The following PDE4B variants were observed in gnomAD, a reference collection of about 807,000 sequenced individuals.
PDE4B encodes phosphodiesterase 4B.
In PDE4B, 20 loss-of-function variants were observed where a neutral mutation model predicts 82.2. The ratio of observed to expected loss-of-function variants is 0.24; its 90% CI spans 0.17 to 0.35. The LOEUF (loss-of-function observed/expected upper bound fraction) is 0.35, where lower values mean the gene tolerates loss of function less well. Among genes scored for constraint, PDE4B ranks in the 10% least tolerant of loss-of-function variants. The pLI, the probability that PDE4B is intolerant of heterozygous loss-of-function variation, is 1.00. For synonymous variants in PDE4B, 320 were observed against 318.9 expected, an observed-to-expected ratio of 1.00 and a Z score of -0.04; for missense variants, 655 against 907.2, an observed-to-expected ratio of 0.72 and a Z score of 3.57.
intron 4 of PDE4B, among the ~76,000 whole-genome samples, chr1:66,254,424 A>G (rs998815161): frequency 6.6e-6 from 1 of 152,110 alleles, no homozygotes; most frequent in Non-Finnish European, 1.5e-5. Context: ...GTATCTCTCC[A>G]AGAACCCTGA....
At chr1:66,041,799 T>TACACACACACACAC (rs376075112) in intron 3 of PDE4B, among the ~76,000 whole-genome samples, 2 of 139,032 alleles carry the variant, frequency 1.4e-5, no homozygotes, top group African/African-American at 5.2e-5. Context: ...TGCTTTGAAA[T>TACACACACACACAC]ACACACACAC....
chr1:66,277,087 C>T (rs1394891534), intron 7 of PDE4B, among the ~76,000 whole-genome samples: 1 of 152,116 alleles, frequency 6.6e-6, no homozygotes, highest in East Asian at 1.9e-4. Flanking sequence ...GGAAAGAACT[C>T]TATAAATAAA....
intron 3 of PDE4B, among the ~76,000 whole-genome samples, chr1:66,099,011 T>A (rs1269884607): frequency 1.3e-5 from 2 of 152,070 alleles, no homozygotes; most frequent in Non-Finnish European, 2.9e-5. Flanking sequence ...ATCTTGAAAA[T>A]TTTTTTAAAC....
intron 1 of PDE4B, among the ~76,000 whole-genome samples, chr1:65,799,140 T>C (rs181139336): frequency 2.0e-5 from 3 of 152,320 alleles, no homozygotes; most frequent in East Asian, 1.9e-4. Context: ...CATAGAATTA[T>C]GGCATTTTCA....
chr1:66,266,165 A>G (rs2101730947), intron 7 of PDE4B, 78 bp downstream of exon 7: 2 of 1,133,730 alleles, frequency 1.8e-6, no homozygotes, highest in East Asian at 2.4e-5. Flanking sequence ...ACTGTTTTTT[A>G]GAACAATAGT....
chr1:66,202,676 C>CT (rs946683345), intron 3 of PDE4B, among the ~76,000 whole-genome samples: 1 of 151,658 alleles, frequency 6.6e-6, no homozygotes, highest in African/African-American at 2.4e-5. Flanking sequence ...CAACCCCTGC[C>CT]TTTTTTTGTT....
chr1:65,877,819 G>A (rs2100329797), intron 1 of PDE4B, among the ~76,000 whole-genome samples: 1 of 151,902 alleles, frequency 6.6e-6, no homozygotes, highest in Non-Finnish European at 1.5e-5. Flanking sequence ...CAGGACATAG[G>A]CAAGGGCAAA....
intron 3 of PDE4B, among the ~76,000 whole-genome samples, chr1:66,004,837 G>GTTTA (rs890573243): frequency 2.6e-5 from 4 of 151,696 alleles, no homozygotes; most frequent in Non-Finnish European, 4.4e-5. Context: ...TTATTTATTT[G>GTTTA]TTTATTTATT....
chr1:66,159,312 G>A (rs1646562984), intron 3 of PDE4B, among the ~76,000 whole-genome samples: 1 of 149,964 alleles, frequency 6.7e-6, no homozygotes. Flanking sequence ...GCGCATTCTT[G>A]GCTCACTGCT....
At chr1:65,988,378 A>G (rs1462550747) in intron 3 of PDE4B, among the ~76,000 whole-genome samples, 2 of 152,172 alleles carry the variant, frequency 1.3e-5, no homozygotes, top group Admixed American at 6.5e-5. Context: ...CTGTAGTTAT[A>G]TATAACAGTA....
intron 3 of PDE4B, among the ~76,000 whole-genome samples, chr1:66,161,086 A>C (rs371316460): frequency 1.3e-5 from 2 of 152,104 alleles, no homozygotes; most frequent in South Asian, 4.2e-4. Context: ...GTAGCATACA[A>C]CCCTAAATCT....
intron 3 of PDE4B, among the ~76,000 whole-genome samples, chr1:66,091,341 C>A (rs531643527): frequency 5.3e-5 from 8 of 152,058 alleles, no homozygotes; most frequent in African/African-American, 1.9e-4. Flanking sequence ...TGGGCAACTT[C>A]ACAAAAACAC....
intron 1 of PDE4B, among the ~76,000 whole-genome samples, chr1:65,867,333 A>G (rs1302973825): frequency 6.6e-6 from 1 of 152,222 alleles, no homozygotes; most frequent in East Asian, 1.9e-4. Flanking sequence ...TATCTAGTAA[A>G]ATTATTTCCA....
intron 3 of PDE4B, among the ~76,000 whole-genome samples, chr1:65,971,608 AATG>A (rs1650140889): frequency 1.3e-5 from 2 of 152,178 alleles, no homozygotes; most frequent in Admixed American, 6.5e-5. Flanking sequence ...TAGTTTGGAG[AATG>A]ATATGTAGTG....
At chr1:66,050,775 A>G (rs918379471) in intron 3 of PDE4B, 2 of 152,178 alleles carry the variant, frequency 1.3e-5, no homozygotes, top group African/African-American at 4.8e-5. Flanking sequence ...GTGTTAGAAC[A>G]TCGAGGTATT....
At chr1:66,065,487 G>A (rs1024815324) in intron 3 of PDE4B, among the ~76,000 whole-genome samples, 7 of 151,784 alleles carry the variant, frequency 4.6e-5, no homozygotes, top group East Asian at 1.9e-4. Context: ...AAACAAAACC[G>A]GATTACTGGA....
At chr1:66,196,258 T>C (rs1228763566) in intron 3 of PDE4B, among the ~76,000 whole-genome samples, 1 of 152,230 alleles carries the variant, frequency 6.6e-6, no homozygotes, top group Admixed American at 6.5e-5. Flanking sequence ...TGCCACAAAC[T>C]AGAAAACCCT....
intron 3 of PDE4B, among the ~76,000 whole-genome samples, chr1:66,180,462 A>G (rs1378822976): frequency 1.3e-5 from 2 of 152,230 alleles, no homozygotes; most frequent in Admixed American, 1.3e-4. Flanking sequence ...GCATGGCACA[A>G]TTTATAATTT....
chr1:65,888,273 T>C (rs577620450), intron 1 of PDE4B, among the ~76,000 whole-genome samples: 1 of 152,284 alleles, frequency 6.6e-6, no homozygotes, highest in South Asian at 2.1e-4. Context: ...CGTGAATTTA[T>C]TTCTGGGTTT....
Sources: allele counts gnomAD v4.1 joint callset (sites outside exome capture counted in the v4.1 genomes callset), GRCh38; gene constraint gnomAD v4.1.1; transcripts MANE v1.5; gene names NCBI Gene and HGNC (gene_info 2026-07-23, HGNC 2026-07-21).